OPHN1: variants seen among roughly 807,000 people sequenced by gnomAD.
The protein encoded by OPHN1 is oligophrenin 1, also known as oligophrenin-1.
In OPHN1, 11 loss-of-function variants were observed where a neutral mutation model predicts 60.7. The ratio of observed to expected loss-of-function variants is 0.18; its 90% confidence interval spans 0.11 to 0.30. The LOEUF (loss-of-function observed/expected upper bound fraction) is 0.30. OPHN1 is among the 10% of genes least tolerant of loss of function. The pLI is 1.00. For synonymous variants in OPHN1, 226 were observed against 222.6 expected (o/e 1.02, Z -0.14); for missense variants, 449 against 611.0 (o/e 0.73, Z 2.80).
At chrX:68,401,472 AAATTGTACCGTAACAC>A (rs1352207012) in intron 2 of OPHN1, among the ~76,000 whole-genome samples, 1 of 112,398 alleles carries the variant, frequency 8.9e-6, no homozygotes, top group Non-Finnish European at 1.9e-5. Flanking sequence ...CCTAAGTTTC[AAATTGTACCGTAACAC>A]AATTGTACAG....
rs946706700 is a variant in OPHN1 at position 68,353,410 on chromosome X, A to G, written c.155-54314T>C. 3.7e-3 allele frequency among the ~76,000 whole-genome samples: 357 copies of G among 95,864 alleles called. 2 individuals are homozygous for G. The highest frequency in any genetic ancestry group is 0.013 in the African/African-American group (335 of 26,526). The allele number at this position is 95,864 out of a possible 115,157, so 83.2% of individuals were successfully genotyped here. A position where few individuals can be genotyped will look rare whatever the true frequency, so the allele number is the denominator to read the frequency against. ...ATGGTGAAACCCCGTCTCTACAGGA[A>G]AAAAAAAAAAAAAAAAAAAAAGCCA... On this transcript the variant is annotated intron_variant, in intron 2 of 24. Coordinates refer to ENST00000355520, the MANE Select transcript of OPHN1 (RefSeq NM_002547.3).
intron 5 of OPHN1, among the ~76,000 whole-genome samples, chrX:68,252,139 T>A (rs2077838843): frequency 9.0e-6 from 1 of 111,147 alleles, no homozygotes; most frequent in Admixed American, 9.6e-5. Flanking sequence ...CCCTGAAAAA[T>A]TGAGACACAT....
rs775275183 is a variant in OPHN1, at chrX:68,193,003, GA to G, written c.1202-11del. On this transcript the variant is annotated splice_polypyrimidine_tract_variant and intron_variant, in intron 14 of 24. Transcript: ENST00000355520. ...CCTTCTGTCTTGATCCCTAGTGGAG[GA>G]AAAAATCAGGTTAATTTCACTTGTA... 8.4e-6 allele frequency: 10 copies of G among 1,188,174 alleles called. No individual in the cohort carries two copies. The East Asian group carries it at 3.0e-4, about 35-fold the overall frequency.
intron 2 of OPHN1, among the ~76,000 whole-genome samples, chrX:68,310,963 G>A (rs781285946): frequency 5.3e-5 from 6 of 112,179 alleles, no homozygotes; most frequent in Admixed American, 4.7e-4. Context: ...GGAATAAAAG[G>A]CATGGGGGAG....
chrX:68,257,381 G>A (rs2077869196), intron 5 of OPHN1, among the ~76,000 whole-genome samples: 1 of 112,504 alleles, frequency 8.9e-6, no homozygotes, highest in South Asian at 3.7e-4. Context: ...TAAAGAGAAT[G>A]GACTTTGGAA....
intron 19 of OPHN1, among the ~76,000 whole-genome samples, chrX:68,090,705 T>C (rs756388422): frequency 9.0e-6 from 1 of 110,824 alleles, no homozygotes; most frequent in Non-Finnish European, 1.9e-5. Flanking sequence ...TCCCACAAAC[T>C]CCACACTGAG....
chrX:68,315,653 CA>C (rs1268186532), intron 2 of OPHN1, among the ~76,000 whole-genome samples: 4 of 111,465 alleles, frequency 3.6e-5, no homozygotes, highest in Non-Finnish European at 5.7e-5. Flanking sequence ...ATGAACTTAA[CA>C]TGCAGAAAAT....
intron 2 of OPHN1, among the ~76,000 whole-genome samples, chrX:68,390,239 G>A (rs928892228): frequency 1.8e-5 from 2 of 111,341 alleles, no homozygotes; most frequent in Non-Finnish European, 3.8e-5. Context: ...ATATCAGTAC[G>A]TAAAGCACTT....
chrX:68,389,472 C>A (rs2078641898), intron 2 of OPHN1, among the ~76,000 whole-genome samples: 1 of 107,874 alleles, frequency 9.3e-6, no homozygotes, highest in Non-Finnish European at 1.9e-5. Context: ...GAGGCTAAGG[C>A]AGGAGAATCG....
intron 19 of OPHN1, among the ~76,000 whole-genome samples, chrX:68,078,984 AAAATAAAT>A (rs373187258): frequency 0.046 from 4,688 of 101,974 alleles, 140 homozygotes; most frequent in Non-Finnish European, 0.07. Context: ...AGACTGTCTC[AAAATAAAT>A]AAATAAATAA....
At chrX:68,157,076 G>C (rs2077312990) in intron 15 of OPHN1, among the ~76,000 whole-genome samples, 1 of 112,033 alleles carries the variant, frequency 8.9e-6, no homozygotes, top group Non-Finnish European at 1.9e-5. Context: ...GTGCTGTAAA[G>C]TAACCATATG....
chrX:68,063,622 T>G (rs1043414235), intron 21 of OPHN1, among the ~76,000 whole-genome samples: 3 of 112,078 alleles, frequency 2.7e-5, no homozygotes, highest in Non-Finnish European at 5.6e-5. Context: ...GCCAGGCACA[T>G]AGCACTTGGG....
chrX:68,194,096 C>A, intron 13 of OPHN1, 144 bp from the exon 14 acceptor site: 1 of 525,001 alleles, frequency 1.9e-6, no homozygotes, highest in South Asian at 2.8e-5. Flanking sequence ...TGGAAAGAGT[C>A]ATTTTTTCAG....
intron 2 of OPHN1, among the ~76,000 whole-genome samples, chrX:68,408,859 G>A (rs1051200971): frequency 8.9e-6 from 1 of 112,563 alleles, no homozygotes. Flanking sequence ...TACTCAGGAG[G>A]CTGAGGCAGC....
chrX:68,190,606 C>T (rs1048306085), intron 15 of OPHN1, among the ~76,000 whole-genome samples: 2 of 111,655 alleles, frequency 1.8e-5, no homozygotes, highest in African/African-American at 6.5e-5. Context: ...ATTCTACTGC[C>T]GTGTGTGATT....
At chrX:68,413,006 C>T (rs756749991) in intron 2 of OPHN1, among the ~76,000 whole-genome samples, 1 of 111,450 alleles carries the variant, frequency 9.0e-6, no homozygotes, top group South Asian at 3.8e-4. Flanking sequence ...CCCACATTGG[C>T]CAAGGCTCCC....
At chrX:68,353,705 C>A (rs2078425718) in intron 2 of OPHN1, among the ~76,000 whole-genome samples, 1 of 111,101 alleles carries the variant, frequency 9.0e-6, no homozygotes, top group South Asian at 3.7e-4. Context: ...ATGATAATAC[C>A]TTATAATTAT....
chrX:68,345,594 G>A (rs1044674126), intron 2 of OPHN1, among the ~76,000 whole-genome samples: 1 of 111,654 alleles, frequency 9.0e-6, no homozygotes, highest in Non-Finnish European at 1.9e-5. Flanking sequence ...GGGAGCTCAT[G>A]CCTGTAATCC....
chrX:68,186,525 T>C (rs2147445827), intron 15 of OPHN1, among the ~76,000 whole-genome samples: 1 of 107,808 alleles, frequency 9.3e-6, no homozygotes, highest in Admixed American at 9.9e-5. Context: ...GGAAAAAAAG[T>C]GAACAGACTG....
Sources: allele counts gnomAD v4.1 joint callset (sites outside exome capture counted in the v4.1 genomes callset), GRCh38; gene constraint gnomAD v4.1.1; transcripts MANE v1.5; gene names NCBI Gene and HGNC (gene_info 2026-07-23, HGNC 2026-07-21).